Variants in KCNH7 observed in about 807,000 individuals in gnomAD.
KCNH7 encodes potassium voltage-gated channel subfamily H member 7.
A neutral mutation model predicts 120.8 loss-of-function variants in KCNH7; 49 were observed. The ratio of observed to expected loss-of-function variants is 0.41; its 90% CI spans 0.32 to 0.51. The LOEUF is 0.51. Ranked by LOEUF, KCNH7 falls within the 20% of genes least tolerant of loss-of-function variation. The probability of loss-of-function intolerance (pLI) is 0.38; values close to 1 mark genes in which losing one functional copy is unlikely to be tolerated. For synonymous variants in KCNH7, 547 were observed against 516.1 expected (o/e 1.06, Z -0.81); for missense variants, 1,097 against 1,446.6 (o/e 0.76, Z 3.92).
At chr2:162,831,453 T>C (rs565971110) in intron 2 of KCNH7, among the ~76,000 whole-genome samples, 17 of 152,236 alleles carry the variant, frequency 1.1e-4, no homozygotes, top group African/African-American at 3.9e-4. Flanking sequence ...TTGAAAGGAT[T>C]TGGTGACCAG....
At chr2:162,733,779 A>AT (rs567521681) in intron 2 of KCNH7, among the ~76,000 whole-genome samples, 51 of 151,812 alleles carry the variant, frequency 3.4e-4, no homozygotes, top group South Asian at 6.2e-4. Flanking sequence ...TCTGAACCTG[A>AT]TTTTTTTTTA....
intron 2 of KCNH7, among the ~76,000 whole-genome samples, chr2:162,802,524 T>C (rs895620984): frequency 6.6e-6 from 1 of 151,718 alleles, no homozygotes; most frequent in African/African-American, 2.4e-5. Flanking sequence ...ATTGAGTACA[T>C]TTACTCCAGC....
intron 2 of KCNH7, among the ~76,000 whole-genome samples, chr2:162,752,902 G>GAAAAAAGAAAAAAAGAAAAGAAAAGAA (rs140501872): frequency 1.6e-5 from 1 of 61,218 alleles, no homozygotes; most frequent in Non-Finnish European, 2.7e-5. Context: ...CTACATCTCA[G>GAAAAAAGAAAAAAAGAAAAGAAAAGAA]AAAAAGAAAA....
intron 2 of KCNH7, among the ~76,000 whole-genome samples, chr2:162,581,494 G>A (rs1693864687): frequency 6.6e-6 from 1 of 151,982 alleles, no homozygotes; most frequent in Non-Finnish European, 1.5e-5. Flanking sequence ...TTCGTTTGGA[G>A]GTGAGAGCTT....
At chr2:162,420,775 TA>T (rs1467626324) in intron 9 of KCNH7, among the ~76,000 whole-genome samples, 2 of 152,324 alleles carry the variant, frequency 1.3e-5, no homozygotes, top group African/African-American at 4.8e-5. Flanking sequence ...TATTTAAGGT[TA>T]TACGTAAAAT....
intron 2 of KCNH7, among the ~76,000 whole-genome samples, chr2:162,725,871 C>T (rs910313370): frequency 6.6e-6 from 1 of 152,172 alleles, no homozygotes; most frequent in Non-Finnish European, 1.5e-5. Context: ...ATCCCCCATG[C>T]TTCAGATTTT....
intron 9 of KCNH7, among the ~76,000 whole-genome samples, chr2:162,419,580 T>A (rs897990683): frequency 1.3e-5 from 2 of 152,144 alleles, no homozygotes; most frequent in Admixed American, 6.6e-5. Flanking sequence ...ATTTTTTATA[T>A]TATTTGGGCA....
intron 11 of KCNH7, among the ~76,000 whole-genome samples, chr2:162,396,143 G>A (rs968334420): frequency 2.6e-5 from 4 of 151,648 alleles, no homozygotes; most frequent in African/African-American, 4.8e-5. Flanking sequence ...TACACTCGAA[G>A]TTCATTCTGG....
intron 7 of KCNH7, among the ~76,000 whole-genome samples, chr2:162,436,432 A>G (rs1258383372): frequency 6.6e-6 from 1 of 152,142 alleles, no homozygotes; most frequent in Non-Finnish European, 1.5e-5. Flanking sequence ...TGATATGTGT[A>G]ACTAATTGGG....
intron 2 of KCNH7, among the ~76,000 whole-genome samples, chr2:162,703,215 A>G (rs1241062741): frequency 6.6e-6 from 1 of 152,054 alleles, no homozygotes; most frequent in Non-Finnish European, 1.5e-5. Context: ...GCCCCAAAAA[A>G]CCCATGAAGG....
At chr2:162,676,831 A>G (rs1685544580) in intron 2 of KCNH7, among the ~76,000 whole-genome samples, 1 of 151,516 alleles carries the variant, frequency 6.6e-6, no homozygotes. Flanking sequence ...ATTTTGTGAT[A>G]GAATCATACT....
intron 2 of KCNH7, among the ~76,000 whole-genome samples, chr2:162,697,863 T>C (rs945835452): frequency 2.0e-5 from 3 of 152,118 alleles, no homozygotes; most frequent in African/African-American, 7.2e-5. Context: ...TAATTCCTTA[T>C]TTCTGCCTTT....
At chr2:162,780,704 G>A (rs76226532) in intron 2 of KCNH7, among the ~76,000 whole-genome samples, 11 of 152,106 alleles carry the variant, frequency 7.2e-5, no homozygotes, top group Non-Finnish European at 1.0e-4. Flanking sequence ...AGTTAGTTAC[G>A]TGTAAAATGT....
intron 12 of KCNH7, among the ~76,000 whole-genome samples, chr2:162,389,977 G>A (rs1558921369): frequency 6.6e-6 from 1 of 151,888 alleles, no homozygotes; most frequent in Non-Finnish European, 1.5e-5. Context: ...AAATAAACAT[G>A]AAAAAACTCA....
chr2:162,634,352 G>A (rs952202106), intron 2 of KCNH7, among the ~76,000 whole-genome samples: 17 of 152,006 alleles, frequency 1.1e-4, no homozygotes, highest in African/African-American at 4.1e-4. Context: ...AGAAGGGCAT[G>A]CCGTCTTTAT....
chr2:162,573,583 C>T (rs1206834651), intron 2 of KCNH7, among the ~76,000 whole-genome samples: 1 of 151,814 alleles, frequency 6.6e-6, no homozygotes, highest in East Asian at 1.9e-4. Context: ...TTTAATATAC[C>T]TGTAGAGAAC....
chr2:162,629,393 G>A (rs944454739), intron 2 of KCNH7, among the ~76,000 whole-genome samples: 12 of 152,198 alleles, frequency 7.9e-5, no homozygotes, highest in African/African-American at 2.2e-4. Context: ...GCCTGATGGG[G>A]TTTAGAATCT....
At chr2:162,493,754 C>A (rs1327858575) in intron 6 of KCNH7, among the ~76,000 whole-genome samples, 1 of 152,078 alleles carries the variant, frequency 6.6e-6, no homozygotes, top group East Asian at 1.9e-4. Context: ...TATATACAAG[C>A]TGTGTAAGGA....
intron 2 of KCNH7, among the ~76,000 whole-genome samples, chr2:162,593,483 G>A (rs537155201): frequency 2.0e-5 from 3 of 152,140 alleles, no homozygotes; most frequent in African/African-American, 7.2e-5. Flanking sequence ...TTTAACATTT[G>A]TAGGTAGCAA....
Sources: allele counts gnomAD v4.1 joint callset (sites outside exome capture counted in the v4.1 genomes callset), GRCh38; gene constraint gnomAD v4.1.1; transcripts MANE v1.5; gene names NCBI Gene and HGNC (gene_info 2026-07-23, HGNC 2026-07-21).